Variants in STIM2 observed in about 807,000 individuals in gnomAD.
STIM2 encodes the protein stromal interaction molecule 2.
In STIM2, 31 loss-of-function variants were observed where a neutral mutation model predicts 85.8. The ratio of observed to expected loss-of-function variants is 0.36; its 90% CI spans 0.27 to 0.49. The LOEUF (loss-of-function observed/expected upper bound fraction) is 0.49. Ranked by LOEUF, STIM2 falls within the 20% of genes least tolerant of loss-of-function variation. STIM2 has a pLI of 0.98. For missense variants in STIM2, 841 were observed against 927.6 expected (o/e 0.91, Z 1.21); for synonymous variants, 356 against 331.1 (o/e 1.08, Z -0.82).
chr4:26,970,615 G>A (rs1726909907), intron 3 of STIM2, among the ~76,000 whole-genome samples: 2 of 152,132 alleles, frequency 1.3e-5, no homozygotes, highest in South Asian at 4.1e-4. Context: ...TGGTGTATAT[G>A]TGCCACATTT....
At chr4:26,986,484 C>T (rs536257670) in intron 3 of STIM2, among the ~76,000 whole-genome samples, 4 of 152,290 alleles carry the variant, frequency 2.6e-5, no homozygotes, top group African/African-American at 7.2e-5. Flanking sequence ...AGGCATATGG[C>T]TAAGTGCTTT....
chr4:26,933,406 A>G (rs1262636056), intron 2 of STIM2, among the ~76,000 whole-genome samples: 4 of 152,152 alleles, frequency 2.6e-5, no homozygotes, highest in Admixed American at 6.6e-5. Flanking sequence ...AAAGATACCT[A>G]GTAGATTTGA....
At chr4:26,969,988 A>T (rs1726870460) in intron 3 of STIM2, among the ~76,000 whole-genome samples, 1 of 142,580 alleles carries the variant, frequency 7.0e-6, no homozygotes, top group Admixed American at 7.2e-5. Flanking sequence ...TTAAAATTTG[A>T]GCAGTTTGTC....
chr4:26,884,443 C>T (rs552006164), intron 1 of STIM2, among the ~76,000 whole-genome samples: 1 of 152,194 alleles, frequency 6.6e-6, no homozygotes, highest in East Asian at 1.9e-4. Context: ...ATGCTCTGCT[C>T]GAAATGGTTA....
chr4:26,863,699 A>T (rs1216882858), intron 1 of STIM2, among the ~76,000 whole-genome samples: 1 of 152,142 alleles, frequency 6.6e-6, no homozygotes, highest in Non-Finnish European at 1.5e-5. Flanking sequence ...GTTAATGGAT[A>T]GAGATGGAGT....
At chr4:27,009,326 T>A (rs543722614) in intron 10 of STIM2, among the ~76,000 whole-genome samples, 108 of 152,318 alleles carry the variant, frequency 7.1e-4, no homozygotes, top group Non-Finnish European at 1.2e-3. Context: ...AGACTTTTTT[T>A]AAAACATTGC....
In STIM2 at chr4:26,995,889, T is replaced by C. The variant is rs575273906; in HGVS notation, c.509+399T>C. Among the ~76,000 whole-genome samples the C allele has an allele frequency of 1.7e-3, 260 of 152,200 alleles. 2 individuals are homozygous for C. Among genetic ancestry groups the C allele is most frequent in the Non-Finnish European group, 2.6e-3 (178 of 67,934 alleles). ...GTGACATTTTAAATGACAATAACCA[T>C]CGAATTATGGCGTCTATACGTTATA... On this transcript the variant is annotated intron_variant, in intron 4 of 11. Coordinates refer to ENST00000467087, the MANE Select transcript of STIM2 (RefSeq NM_020860.4).
chr4:26,903,667 G>A (rs1724012451), intron 1 of STIM2, among the ~76,000 whole-genome samples: 1 of 152,132 alleles, frequency 6.6e-6, no homozygotes, highest in Non-Finnish European at 1.5e-5. Flanking sequence ...GGCTAGCTCA[G>A]CTGAGGCCTG....
At chr4:26,895,624 G>C (rs563862277) in intron 1 of STIM2, among the ~76,000 whole-genome samples, 1 of 152,246 alleles carries the variant, frequency 6.6e-6, no homozygotes, top group East Asian at 1.9e-4. Context: ...AGTTTCATCA[G>C]TTTTAAGTCT....
intron 11 of STIM2, among the ~76,000 whole-genome samples, chr4:27,020,577 CAT>C (rs1465474948): frequency 6.6e-6 from 1 of 152,202 alleles, no homozygotes; most frequent in Non-Finnish European, 1.5e-5. Context: ...TCTTCATAGA[CAT>C]ATGTGAGTAA....
At chr4:26,959,702 T>G (rs912758028) in intron 3 of STIM2, among the ~76,000 whole-genome samples, 4 of 151,912 alleles carry the variant, frequency 2.6e-5, no homozygotes, top group African/African-American at 9.7e-5. Context: ...TGAGAATGTT[T>G]GTTTACTTGA....
At chr4:26,886,227 A>G (rs4692131) in intron 1 of STIM2, among the ~76,000 whole-genome samples, 95,147 of 151,972 alleles carry the variant, frequency 0.63, 30,957 homozygotes, top group African/African-American at 0.82. Context: ...GAGCATATTC[A>G]TATAACTGAG....
At chr4:26,972,843 G>A (rs1471357020) in intron 3 of STIM2, among the ~76,000 whole-genome samples, 1 of 152,182 alleles carries the variant, frequency 6.6e-6, no homozygotes, top group East Asian at 1.9e-4. Context: ...ACCTCTGGTA[G>A]AATTCAGCTG....
intron 1 of STIM2, among the ~76,000 whole-genome samples, chr4:26,909,387 C>T (rs1204714042): frequency 6.6e-6 from 1 of 152,104 alleles, no homozygotes; most frequent in Non-Finnish European, 1.5e-5. Flanking sequence ...ATAACTTTCC[C>T]GAAGTTATAT....
chr4:26,913,874 G>A (rs1724436516), intron 1 of STIM2, among the ~76,000 whole-genome samples: 1 of 152,146 alleles, frequency 6.6e-6, no homozygotes, highest in African/African-American at 2.4e-5. Flanking sequence ...GCATTATGGC[G>A]GGAGAGTTAG....
chr4:26,880,518 G>C (rs1388778921), intron 1 of STIM2, among the ~76,000 whole-genome samples: 1 of 151,032 alleles, frequency 6.6e-6, no homozygotes, highest in Non-Finnish European at 1.5e-5. Context: ...GTAGTATCTA[G>C]ATAGTACACA....
intron 1 of STIM2, among the ~76,000 whole-genome samples, chr4:26,916,979 G>A (rs1161597147): frequency 1.3e-5 from 2 of 152,050 alleles, no homozygotes; most frequent in East Asian, 1.9e-4. Flanking sequence ...CCTTGCACAG[G>A]ATAGAAGCCT....
intron 2 of STIM2, among the ~76,000 whole-genome samples, chr4:26,921,024 G>T (rs944696711): frequency 1.3e-5 from 2 of 152,120 alleles, no homozygotes; most frequent in Non-Finnish European, 2.9e-5. Context: ...TAGAAATAAG[G>T]TCATTGCGGA....
chr4:26,961,966 G>A (rs1024909538), intron 3 of STIM2, among the ~76,000 whole-genome samples: 1 of 152,156 alleles, frequency 6.6e-6, no homozygotes, highest in South Asian at 2.1e-4. Context: ...GCCAAGTCTT[G>A]TCTCCAGCTC....
Sources: allele counts gnomAD v4.1 joint callset (sites outside exome capture counted in the v4.1 genomes callset), GRCh38; gene constraint gnomAD v4.1.1; transcripts MANE v1.5; gene names NCBI Gene and HGNC (gene_info 2026-07-23, HGNC 2026-07-21).